The following DNAJC12 variants were observed in gnomAD, a reference collection of about 807,000 sequenced individuals.
DNAJC12 encodes the protein DnaJ heat shock protein family (Hsp40) member C12.
In DNAJC12, 25 loss-of-function variants were observed where a neutral mutation model predicts 28.5. That is an observed-to-expected ratio of 0.88 (90% CI 0.64 to 1.22). The LOEUF is 1.22. Ranked by LOEUF, DNAJC12 falls within the 50% of genes most tolerant of loss-of-function variation. DNAJC12 has a pLI of 0.00. For missense variants in DNAJC12, 222 were observed against 231.7 expected (o/e 0.96, Z 0.27); for synonymous variants, 77 against 80.6 (o/e 0.95, Z 0.24).
intron 4 of DNAJC12, among the ~76,000 whole-genome samples, chr10:67,802,772 CT>C (rs1841759298): frequency 6.6e-6 from 1 of 151,900 alleles, no homozygotes; most frequent in African/African-American, 2.4e-5. Flanking sequence ...AAAGTTAACA[CT>C]AAAAAAAGTG....
intron 4 of DNAJC12, among the ~76,000 whole-genome samples, chr10:67,799,054 C>G (rs1428577410): frequency 6.6e-6 from 1 of 152,146 alleles, no homozygotes; most frequent in African/African-American, 2.4e-5. Context: ...CGTCAGCCAC[C>G]GTGCCCGGCC....
At chr10:67,819,757 A>AGGGAGGGAGGGAGG (rs1386763255) in intron 2 of DNAJC12, among the ~76,000 whole-genome samples, 1 of 16,090 alleles carries the variant, frequency 6.2e-5, no homozygotes, top group Non-Finnish European at 1.5e-4. Flanking sequence ...GAAGGAAGGA[A>AGGGAGGGAGGGAGG]GGAAGGAAGG....
At chr10:67,823,293 T>C (rs1841997974) in intron 2 of DNAJC12, 21 bp downstream of exon 2, 2 of 1,607,548 alleles carry the variant, frequency 1.2e-6, no homozygotes, top group South Asian at 2.2e-5. Flanking sequence ...TCTTGAGAAG[T>C]AGCCTTTATT....
intron 3 of DNAJC12, among the ~76,000 whole-genome samples, chr10:67,810,404 C>T (rs186692704): frequency 1.3e-5 from 2 of 152,294 alleles, no homozygotes; most frequent in African/African-American, 4.8e-5. Context: ...ACCCCTGAGG[C>T]TGTGGCTCGT....
At chr10:67,823,193 G>A (rs1378580722) in intron 2 of DNAJC12, 121 bp downstream of exon 2, 2 of 775,106 alleles carry the variant, frequency 2.6e-6, no homozygotes, top group Non-Finnish European at 4.3e-6. Context: ...ATAGTGCAAA[G>A]AAAGAATACG....
intron 2 of DNAJC12, among the ~76,000 whole-genome samples, chr10:67,815,508 C>CAAAAAAAAAAA (rs762037586): frequency 1.5e-4 from 10 of 65,756 alleles, no homozygotes; most frequent in African/African-American, 2.7e-4. Context: ...TACTTCGTCT[C>CAAAAAAAAAAA]AAAAAAAAAA....
intron 4 of DNAJC12, among the ~76,000 whole-genome samples, chr10:67,800,221 CAAAAAAAAAAAA>C (rs56039954): frequency 3.5e-5 from 3 of 84,626 alleles, no homozygotes; most frequent in African/African-American, 1.5e-4. Context: ...GACTCTATCT[CAAAAAAAAAAAA>C]AAAAAAAAAA....
rs1841863011 is a variant in DNAJC12, at chr10:67,811,740, T to G, written c.158-77A>C. 3.3e-6 allele frequency: 5 copies of G among 1,535,296 alleles called. No homozygotes were observed. The South Asian group carries it at 6.4e-5, about 20-fold the overall frequency. On this transcript the variant is annotated intron_variant, in intron 2 of 4. Coordinates refer to ENST00000225171, the MANE Select transcript of DNAJC12 (RefSeq NM_021800.3). Reference sequence around the variant, plus strand: ...AACTCCAAAACTATCCAACTGCTCTTACTAAAACCATGACTGCCACTTAAT... The same window carrying G: ...AACTCCAAAACTATCCAACTGCTCTGACTAAAACCATGACTGCCACTTAAT...
chr10:67,813,489 C>T (rs935427001), intron 2 of DNAJC12, among the ~76,000 whole-genome samples: 4 of 152,098 alleles, frequency 2.6e-5, no homozygotes, highest in African/African-American at 7.2e-5. Context: ...GTGGCTCATG[C>T]CTGTAATCCC....
chr10:67,819,779 G>GAAGGGAGGGGAA (rs1268822734), intron 2 of DNAJC12, among the ~76,000 whole-genome samples: 1 of 13,374 alleles, frequency 7.5e-5, no homozygotes, highest in African/African-American at 1.9e-4. Flanking sequence ...AGGAAGGAAG[G>GAAGGGAGGGGAA]GGAAGGAAGG....
At chr10:67,816,359 G>A (rs1023670229) in intron 2 of DNAJC12, among the ~76,000 whole-genome samples, 4 of 151,708 alleles carry the variant, frequency 2.6e-5, no homozygotes. Context: ...TATTAATTAT[G>A]TTATTTTTAT....
At chr10:67,828,845 G>T (rs1842063211) in intron 1 of DNAJC12, among the ~76,000 whole-genome samples, 1 of 152,098 alleles carries the variant, frequency 6.6e-6, no homozygotes, top group Non-Finnish European at 1.5e-5. Context: ...AAAAACCTAT[G>T]ATAGAGCAAG....
At chr10:67,822,151 A>C (rs1256364162) in intron 2 of DNAJC12, among the ~76,000 whole-genome samples, 1 of 152,200 alleles carries the variant, frequency 6.6e-6, no homozygotes, top group African/African-American at 2.4e-5. Flanking sequence ...CTTCAGGAGA[A>C]AATGGGGAGT....
chr10:67,822,918 C>T (rs1841994404), intron 2 of DNAJC12, among the ~76,000 whole-genome samples: 3 of 151,884 alleles, frequency 2.0e-5, no homozygotes, highest in Admixed American at 6.6e-5. Flanking sequence ...TCACTTGAGC[C>T]CAGGAGCCAG....
chr10:67,797,850 C>T (rs969267321), intron 4 of DNAJC12, among the ~76,000 whole-genome samples: 7 of 151,948 alleles, frequency 4.6e-5, no homozygotes, highest in African/African-American at 7.3e-5. Context: ...ACCATCCTGG[C>T]TAACACGGTG....
intron 2 of DNAJC12, among the ~76,000 whole-genome samples, chr10:67,815,508 CAAA>C (rs762037586): frequency 1.5e-5 from 1 of 65,786 alleles, no homozygotes; most frequent in Non-Finnish European, 3.1e-5. Flanking sequence ...TACTTCGTCT[CAAA>C]AAAAAAAAAA....
chr10:67,826,660 T>A lies in DNAJC12; in HGVS notation c.79-3268A>T, dbSNP rs58572204. On this transcript the variant is annotated intron_variant, in intron 1 of 4. Transcript: ENST00000225171. ...ATATAAGATATCTAATGATATATAT[T>A]ATATATATCATTATATATAAGATAT... is the stretch of plus-strand genomic sequence containing the variant. Among the ~76,000 whole-genome samples the A allele has an allele frequency of 2.9e-3, 368 of 127,702 alleles. 2 individuals are homozygous for A. The highest frequency in any genetic ancestry group is 7.9e-3 in the African/African-American group (263 of 33,300). The allele number at this position is 127,702 out of a possible 152,430, so 83.8% of individuals were successfully genotyped here.
intron 4 of DNAJC12, among the ~76,000 whole-genome samples, chr10:67,798,331 A>G (rs1396592877): frequency 6.6e-6 from 1 of 152,082 alleles, no homozygotes; most frequent in African/African-American, 2.4e-5. Flanking sequence ...ATATAGTATG[A>G]TCTCATTCCT....
At chr10:67,829,306 T>C (rs1351538906) in intron 1 of DNAJC12, among the ~76,000 whole-genome samples, 1 of 152,114 alleles carries the variant, frequency 6.6e-6, no homozygotes, top group Non-Finnish European at 1.5e-5. Context: ...AGTGTGTCTC[T>C]AACCTAACTC....
Sources: gnomAD v4.1 joint callset for allele counts (sites outside exome capture counted in the v4.1 genomes callset) on GRCh38, gnomAD v4.1.1 for gene constraint, MANE v1.5 for transcripts, NCBI Gene and HGNC (gene_info 2026-07-23, HGNC 2026-07-21) for gene names.